Variants in STPG2 observed in about 807,000 individuals in gnomAD.
The protein encoded by STPG2 is sperm-tail PG-rich repeat-containing protein 2.
STPG2 carries 56 observed loss-of-function variants against 54.2 expected under a neutral mutation model. The ratio of observed to expected loss-of-function variants is 1.03; its 90% CI spans 0.83 to 1.29. The LOEUF (loss-of-function observed/expected upper bound fraction) is 1.29, where lower values mean the gene tolerates loss of function less well. Among genes scored for constraint, STPG2 ranks in the 50% most tolerant of loss-of-function variants. The pLI is 0.00. For missense variants in STPG2, 596 were observed against 544.9 expected (o/e 1.09, Z -0.93); for synonymous variants, 200 against 181.8 (o/e 1.10, Z -0.81).
At chr4:97,892,587 G>A (rs924191383) in intron 8 of STPG2, among the ~76,000 whole-genome samples, 2 of 152,166 alleles carry the variant, frequency 1.3e-5, no homozygotes, top group African/African-American at 4.8e-5. Flanking sequence ...CACATGCACA[G>A]CTAAGCTTAA....
At chr4:97,541,383 G>C (rs75643818) in intron 4 of STPG2, among the ~76,000 whole-genome samples, 3 of 152,060 alleles carry the variant, frequency 2.0e-5, no homozygotes, top group Non-Finnish European at 2.9e-5. Context: ...GCTTCAAAGA[G>C]AATAAAATAC....
chr4:97,551,432 T>C (rs1298544413), intron 4 of STPG2, among the ~76,000 whole-genome samples: 1 of 152,222 alleles, frequency 6.6e-6, no homozygotes, highest in Non-Finnish European at 1.5e-5. Flanking sequence ...GAGTAATGTG[T>C]ACAAAGCTCT....
chr4:98,118,350 C>CT (rs1401199336), intron 3 of STPG2, among the ~76,000 whole-genome samples: 4 of 151,992 alleles, frequency 2.6e-5, no homozygotes, highest in Admixed American at 2.0e-4. Context: ...AATCTCAACT[C>CT]TTTTTTTTGC....
At chr4:97,631,464 A>G (rs1560693487) in intron 10 of STPG2, among the ~76,000 whole-genome samples, 1 of 152,118 alleles carries the variant, frequency 6.6e-6, no homozygotes, top group Non-Finnish European at 1.5e-5. Flanking sequence ...CTTGAGAATT[A>G]AGAATATATT....
chr4:97,574,540 A>C (rs929154915), intron 10 of STPG2, among the ~76,000 whole-genome samples: 9 of 152,034 alleles, frequency 5.9e-5, no homozygotes, highest in African/African-American at 1.9e-4. Context: ...TCTTTTTGGC[A>C]TCTCTGTGTC....
chr4:97,884,865 C>A (rs750857460), intron 8 of STPG2, among the ~76,000 whole-genome samples: 9 of 152,070 alleles, frequency 5.9e-5, no homozygotes, highest in South Asian at 4.2e-4. Context: ...TCTGACCTAC[C>A]TTTTCCTTCT....
chr4:97,493,889 T>G (rs930201701), intron 4 of STPG2, among the ~76,000 whole-genome samples: 1 of 151,564 alleles, frequency 6.6e-6, no homozygotes, highest in Non-Finnish European at 1.5e-5. Context: ...GAATCCATAA[T>G]GTTTCAGGAA....
At chr4:97,929,626 A>G (rs1732467757) in intron 8 of STPG2, among the ~76,000 whole-genome samples, 1 of 152,148 alleles carries the variant, frequency 6.6e-6, no homozygotes, top group African/African-American at 2.4e-5. Flanking sequence ...TCTAATTATC[A>G]GTGATGTTGA....
intron 4 of STPG2, among the ~76,000 whole-genome samples, chr4:97,473,205 G>T (rs1231673873): frequency 1.3e-5 from 2 of 152,184 alleles, no homozygotes; most frequent in African/African-American, 4.8e-5. Context: ...TAACAGCAAT[G>T]TTCAGGGAAC....
downstream of STPG2, among the ~76,000 whole-genome samples, chr4:97,557,943 T>C (rs927494912): frequency 2.6e-5 from 4 of 152,170 alleles, no homozygotes; most frequent in South Asian, 2.1e-4. Context: ...CAAAGTGACA[T>C]ACACAAATGA....
chr4:97,943,818 C>T (rs1031602165), intron 8 of STPG2, 79 bp downstream of exon 8: 20 of 1,071,892 alleles, frequency 1.9e-5, no homozygotes, highest in Non-Finnish European at 1.9e-5. Flanking sequence ...CACTCAGGTC[C>T]TAATATAATG....
intron 5 of STPG2, among the ~76,000 whole-genome samples, chr4:98,097,216 GC>G (rs1183773720): frequency 6.6e-6 from 1 of 152,034 alleles, no homozygotes; most frequent in Non-Finnish European, 1.5e-5. Context: ...GAACATAGAT[GC>G]AAAAATCCTC....
chr4:97,634,142 T>A (rs917996350), intron 10 of STPG2, among the ~76,000 whole-genome samples: 1 of 152,130 alleles, frequency 6.6e-6, no homozygotes, highest in Admixed American at 6.5e-5. Flanking sequence ...CAGCTGGAGA[T>A]CTGAGAACGG....
intron 10 of STPG2, among the ~76,000 whole-genome samples, chr4:97,658,439 G>A (rs192504612): frequency 6.6e-6 from 1 of 152,156 alleles, no homozygotes; most frequent in Non-Finnish European, 1.5e-5. Context: ...AGAGACAGGC[G>A]TGGCCTAGTA....
At chr4:98,078,391 G>T (rs899595757) in intron 5 of STPG2, among the ~76,000 whole-genome samples, 1 of 151,810 alleles carries the variant, frequency 6.6e-6, no homozygotes, top group African/African-American at 2.4e-5. Context: ...AATTCCCCAG[G>T]ACCCTAGTCT....
chr4:97,460,430 T>A (rs895265532), intron 4 of STPG2, among the ~76,000 whole-genome samples: 1 of 152,094 alleles, frequency 6.6e-6, no homozygotes, highest in Non-Finnish European at 1.5e-5. Flanking sequence ...TTTTTCTTTT[T>A]TTTTTATTTT....
intron 7 of STPG2, among the ~76,000 whole-genome samples, chr4:97,953,591 GA>G (rs1177724134): frequency 3.3e-5 from 5 of 152,154 alleles, no homozygotes; most frequent in Non-Finnish European, 4.4e-5. Context: ...GTTCACACTG[GA>G]GACCAAAAAT....
intron 5 of STPG2, among the ~76,000 whole-genome samples, chr4:98,089,284 A>T (rs968220384): frequency 6.6e-6 from 1 of 152,100 alleles, no homozygotes; most frequent in Non-Finnish European, 1.5e-5. Context: ...GCTCCCACTT[A>T]TAAGTGAGAA....
At chr4:97,708,233 T>A (rs13150153) in intron 10 of STPG2, among the ~76,000 whole-genome samples, 1 of 151,726 alleles carries the variant, frequency 6.6e-6, no homozygotes, top group South Asian at 2.1e-4. Context: ...CATAATCAAA[T>A]GGTTTTTTTG....
Sources: gnomAD v4.1 joint callset for allele counts (sites outside exome capture counted in the v4.1 genomes callset) on GRCh38, gnomAD v4.1.1 for gene constraint, MANE v1.5 for transcripts, NCBI Gene and HGNC (gene_info 2026-07-23, HGNC 2026-07-21) for gene names.